IWS1: variants seen among roughly 807,000 people sequenced by gnomAD.
The protein encoded by IWS1 is protein IWS1 homolog.
Under a neutral mutation model 86.7 loss-of-function variants are expected in IWS1, and 27 were observed. The observed-to-expected ratio is 0.31, with a 90% CI of 0.23 to 0.43. The LOEUF (loss-of-function observed/expected upper bound fraction) is 0.43. Ranked by LOEUF, IWS1 falls within the 20% of genes least tolerant of loss-of-function variation. The pLI is 1.00. For synonymous variants in IWS1, 313 were observed against 335.1 expected, an observed-to-expected ratio of 0.93 and a Z score of 0.72; for missense variants, 827 against 1,000.8, an observed-to-expected ratio of 0.83 and a Z score of 2.34.
chr2:127,511,992 A>G (rs1691478158), intron 2 of IWS1, among the ~76,000 whole-genome samples: 1 of 152,192 alleles, frequency 6.6e-6, no homozygotes, highest in African/African-American at 2.4e-5. Context: ...TGTTGGAGCT[A>G]AAGGAGTTGT....
intron 7 of IWS1, among the ~76,000 whole-genome samples, chr2:127,495,529 T>C (rs922773401): frequency 1.3e-5 from 2 of 152,228 alleles, no homozygotes; most frequent in Non-Finnish European, 2.9e-5. Flanking sequence ...GATCATTGAA[T>C]CCATGCTGAA....
intron 6 of IWS1, among the ~76,000 whole-genome samples, chr2:127,496,550 T>TACATACAC (rs372713166): frequency 4.3e-5 from 6 of 140,426 alleles, no homozygotes; most frequent in Non-Finnish European, 7.7e-5. Context: ...TATTTTATCA[T>TACATACAC]ACACACACAC....
At chr2:127,523,127 C>T (rs1402769332) in intron 2 of IWS1, among the ~76,000 whole-genome samples, 1 of 152,096 alleles carries the variant, frequency 6.6e-6, no homozygotes, top group African/African-American at 2.4e-5. Flanking sequence ...GGGAGGATAG[C>T]TTGAGCCCAG....
Position 127,489,089 on chromosome 2 carries a change from A to G in IWS1, c.2216+90T>C. ...AAAGTCACCTCCCACAAATGAGAGC[A>G]TAACATCATTTCATTTACTACTTTT... On this transcript the variant is annotated intron_variant, in intron 12 of 13. Transcript: ENST00000295321. The surrounding 1 kb of genome is among the most constrained non-coding windows in gnomAD (Gnocchi z 4.8). 4.4e-6 allele frequency: 4 copies of G among 902,766 alleles called. No homozygotes were observed. Among genetic ancestry groups the G allele is most frequent in the South Asian group, 1.5e-5 (1 of 67,580 alleles). 55.9% of individuals were successfully genotyped at this position (902,766 alleles called of 1,614,324 possible).
chr2:127,496,584 CAT>C (rs1491104459), intron 6 of IWS1, among the ~76,000 whole-genome samples: 2 of 150,062 alleles, frequency 1.3e-5, no homozygotes, highest in African/African-American at 5.0e-5. Context: ...CACACACACA[CAT>C]TTTTTAAAGA....
intron 2 of IWS1, among the ~76,000 whole-genome samples, chr2:127,510,854 A>C (rs1386649174): frequency 6.6e-6 from 1 of 152,110 alleles, no homozygotes; most frequent in Non-Finnish European, 1.5e-5. Flanking sequence ...CAGTTCCCAA[A>C]CTTCAGTATG....
intron 9 of IWS1, 70 bp downstream of exon 9, chr2:127,493,211 T>C: frequency 7.2e-7 from 1 of 1,379,966 alleles, no homozygotes; most frequent in South Asian, 1.6e-5. Context: ...CACTGTAAAC[T>C]ACACAGGTTA....
intron 2 of IWS1, among the ~76,000 whole-genome samples, chr2:127,507,771 G>A (rs334161): frequency 0.018 from 2,684 of 152,248 alleles, 85 homozygotes; most frequent in African/African-American, 0.061. Context: ...GGTAGAGTTC[G>A]AGCATTCCTA....
chr2:127,512,777 T>TG (rs1691541230), intron 2 of IWS1, among the ~76,000 whole-genome samples: 1 of 152,232 alleles, frequency 6.6e-6, no homozygotes, highest in Admixed American at 6.5e-5. Flanking sequence ...TATTTATAGG[T>TG]CTGCCGCACC....
At chr2:127,509,038 A>C (rs1162437903) in intron 2 of IWS1, among the ~76,000 whole-genome samples, 1 of 152,228 alleles carries the variant, frequency 6.6e-6, no homozygotes, top group East Asian at 1.9e-4. Flanking sequence ...GTTTCACGAA[A>C]ACATAGCATT....
chr2:127,498,160 A>T lies in IWS1; in HGVS notation c.1545T>A (p.Asp515Glu). ...VKEAEDSDSD[D>E]NIKRGKHMDF... Reference sequence around the variant, plus strand: ...CTTACTGTTTTCCTCTCTTTATGTTATCATCAGAATCTGAATCTTCTGCTT... The same window carrying T: ...CTTACTGTTTTCCTCTCTTTATGTTTTCATCAGAATCTGAATCTTCTGCTT... Residue 515 changes from aspartate to glutamate, a missense_variant, in exon 6 of 14, where the codon GAT (aspartate) becomes GAA (glutamate). Asp to Glu is a conservative substitution (Grantham distance 45). Coordinates refer to ENST00000295321, the MANE Select transcript of IWS1 (RefSeq NM_017969.3). 1 of 1,583,844 alleles carries T rather than the reference A, an allele frequency of 6.3e-7. No homozygotes were observed. Among genetic ancestry groups the T allele is most frequent in the Non-Finnish European group, 8.7e-7 (1 of 1,152,968 alleles).
Position 127,505,762 on chromosome 2 carries a change from AAAGT to A in IWS1, c.151-14_151-11del. The stretch of plus-strand genomic sequence containing the variant: ...GATCACTAGTTTCATTCTGAAAAAT[AAAGT>A]GAGAAAAAATTAGGAAAGTGCAAAA... On this transcript the variant is annotated splice_polypyrimidine_tract_variant and intron_variant, in intron 2 of 13. Transcript: ENST00000295321. The surrounding 1 kb of genome is among the most constrained non-coding windows in gnomAD (Gnocchi z 5.0). 11 of 1,500,942 alleles carry A rather than the reference AAAGT, an allele frequency of 7.3e-6. No homozygotes were observed. In the South Asian group the frequency reaches 1.3e-4, roughly 18 times the overall value. The allele number at this position is 1,500,942 out of a possible 1,614,324, so 93.0% of individuals were successfully genotyped here.
chr2:127,497,365 G>C (rs775662118), intron 6 of IWS1, among the ~76,000 whole-genome samples: 2 of 152,196 alleles, frequency 1.3e-5, no homozygotes, highest in Non-Finnish European at 2.9e-5. Context: ...TCAATTATTT[G>C]AATGTTGTGG....
intron 5 of IWS1, chr2:127,502,543 T>C (rs1690875965): frequency 3.9e-6 from 1 of 255,104 alleles, no homozygotes; most frequent in Non-Finnish European, 7.4e-6. Flanking sequence ...GTTCCCTAAT[T>C]ATTGTGAATC....
At position 127,505,208 on chromosome 2, in the gene IWS1, T is replaced by A; in HGVS notation, c.695A>T (p.His232Leu). Residue 232 changes from histidine to leucine, a missense_variant, in exon 3 of 14, where the codon CAC becomes CTC. Coordinates refer to ENST00000295321, the MANE Select transcript of IWS1 (RefSeq NM_017969.3). This position sits in a 1 kb window ranked among gnomAD's most constrained non-coding sequence, Gnocchi z 5.0. ...SDSESEEPPR[H>L]QASDSENEEL... ...CTCATTTTCAGAGTCACTGGCCTGG[T>A]GCCTTGGGGGTTCCTCACTTTCTGA... 2 of 1,613,908 alleles carry A rather than the reference T, an allele frequency of 1.2e-6. No homozygotes were observed. Among genetic ancestry groups the A allele is most frequent in the Non-Finnish European group, 1.7e-6 (2 of 1,179,932 alleles).
At chr2:127,509,915 A>G (rs1303773623) in intron 2 of IWS1, among the ~76,000 whole-genome samples, 1 of 152,192 alleles carries the variant, frequency 6.6e-6, no homozygotes, top group Non-Finnish European at 1.5e-5. Flanking sequence ...AAAGTAAATA[A>G]AACTGCTATA....
At chr2:127,482,115 T>G (rs1242674872) in intron 13 of IWS1, 1 of 152,296 alleles carries the variant, frequency 6.6e-6, no homozygotes, top group African/African-American at 2.4e-5. Context: ...TAAAAAGAGA[T>G]GGGTTTTTCT....
At chr2:127,503,250 A>T in intron 4 of IWS1, 137 bp downstream of exon 4, 1 of 622,282 alleles carries the variant, frequency 1.6e-6, no homozygotes, top group South Asian at 2.4e-5. Context: ...CCCACATTGT[A>T]GTGTGTTCAG....
intron 5 of IWS1, among the ~76,000 whole-genome samples, chr2:127,500,289 T>C (rs762741879): frequency 6.6e-6 from 1 of 152,214 alleles, no homozygotes; most frequent in Non-Finnish European, 1.5e-5. Flanking sequence ...GTGGATTATA[T>C]AGAGACTGTT....
Sources: gnomAD v4.1 joint callset for allele counts (sites outside exome capture counted in the v4.1 genomes callset) on GRCh38, gnomAD v4.1.1 for gene constraint, Gnocchi (gnomAD v3.1) non-coding constraint, MANE v1.5 for transcripts, NCBI Gene and HGNC (gene_info 2026-07-23, HGNC 2026-07-21) for gene names.